The following UTRN variants were observed in gnomAD, a reference collection of about 807,000 sequenced individuals.
UTRN encodes dystrophin-related protein 1.
In UTRN, 283 loss-of-function variants were observed where a neutral mutation model predicts 463.9. The observed-to-expected ratio is 0.61, with a 90% confidence interval of 0.55 to 0.67. The LOEUF (loss-of-function observed/expected upper bound fraction) is 0.67, where lower values mean the gene tolerates loss of function less well. Ranked by LOEUF, UTRN falls within the 30% of genes least tolerant of loss-of-function variation. UTRN has a pLI of 0.00. For missense variants in UTRN, 3,922 were observed against 4,084.3 expected (o/e 0.96, Z 1.08); for synonymous variants, 1,442 against 1,431.5 (o/e 1.01, Z -0.17).
chr6:144,586,274 A>G (rs1275597097), intron 51 of UTRN, among the ~76,000 whole-genome samples: 2 of 152,032 alleles, frequency 1.3e-5, no homozygotes, highest in East Asian at 1.9e-4. Flanking sequence ...CCCACAATCT[A>G]TTTACACATT....
chr6:144,732,716 ATGTT>A (rs1562834154), intron 54 of UTRN, among the ~76,000 whole-genome samples: 12 of 149,704 alleles, frequency 8.0e-5, no homozygotes, highest in Non-Finnish European at 1.8e-4. Context: ...ATGTTATGTT[ATGTT>A]ATGTTATTTT....
intron 58 of UTRN, among the ~76,000 whole-genome samples, chr6:144,768,693 A>G (rs74516178): frequency 1.3e-5 from 2 of 152,168 alleles, no homozygotes; most frequent in Non-Finnish European, 2.9e-5. Context: ...ACTGGGCACA[A>G]TTTGCATTTA....
At chr6:144,481,775 G>T (rs1178987746) in intron 26 of UTRN, among the ~76,000 whole-genome samples, 1 of 152,228 alleles carries the variant, frequency 6.6e-6, no homozygotes, top group Non-Finnish European at 1.5e-5. Flanking sequence ...ACGCTCAACT[G>T]GGCTGGGTGC....
chr6:144,475,292 G>T (rs917539103), intron 25 of UTRN, among the ~76,000 whole-genome samples: 1 of 152,204 alleles, frequency 6.6e-6, no homozygotes, highest in African/African-American at 2.4e-5. Context: ...ACTGAGTAAA[G>T]TAAGAGATGA....
At chr6:144,681,503 A>C (rs576360711) in intron 52 of UTRN, among the ~76,000 whole-genome samples, 22 of 152,246 alleles carry the variant, frequency 1.4e-4, no homozygotes, top group African/African-American at 5.3e-4. Context: ...AAGTGGAGTA[A>C]GATCAGGCCT....
At position 144,348,251 on chromosome 6, in the gene UTRN, C is replaced by G. The variant is rs138723838; in HGVS notation, c.80-54872C>G. On this transcript the variant is annotated intron_variant, in intron 2 of 74. Coordinates refer to ENST00000367545, the MANE Select transcript of UTRN (RefSeq NM_007124.3). ...CATTTGCTAGGTACCTAGCACACGC[C>G]CAGCTCTGGGGAGGTATGGGGATAT... Among the ~76,000 whole-genome samples the G allele has an allele frequency of 2.7e-3, 416 of 152,222 alleles. 1 individual carries two copies. The highest frequency in any genetic ancestry group is 9.2e-3 in the African/African-American group (383 of 41,508).
At chr6:144,477,869 C>CTTTA (rs150288402) in intron 25 of UTRN, among the ~76,000 whole-genome samples, 40,339 of 148,400 alleles carry the variant, frequency 0.27, 6,514 homozygotes, top group African/African-American at 0.46. Flanking sequence ...AAGTTTGTAT[C>CTTTA]TCTATCTATC....
chr6:144,466,529 G>A (rs115349369), intron 23 of UTRN, among the ~76,000 whole-genome samples: 201 of 152,156 alleles, frequency 1.3e-3, no homozygotes, highest in African/African-American at 4.6e-3. Flanking sequence ...CTGTACTTAC[G>A]AGGTAAAATA....
At position 144,828,244 on chromosome 6, in the gene UTRN, A is replaced by G. The variant is rs541646474; in HGVS notation, c.9600-546A>G. Among the ~76,000 whole-genome samples the G allele has an allele frequency of 3.3e-5, 5 of 152,302 alleles. No individual in the cohort carries two copies. In the South Asian group the frequency reaches 8.3e-4, roughly 25 times the overall value. Reference sequence around the variant, plus strand: ...CTAGGCCAACTAGAATTTCTAGGGGAAAGTCTTGGACTAATGGAATAATAT... The same window carrying G: ...CTAGGCCAACTAGAATTTCTAGGGGGAAGTCTTGGACTAATGGAATAATAT... On this transcript the variant is annotated intron_variant, in intron 68 of 74. Coordinates refer to ENST00000367545, the MANE Select transcript of UTRN (RefSeq NM_007124.3).
In UTRN at chr6:144,531,036, G is replaced by C; in HGVS notation, c.5907-16G>C. On this transcript the variant is annotated splice_polypyrimidine_tract_variant and intron_variant, in intron 41 of 74. Coordinates refer to ENST00000367545, the MANE Select transcript of UTRN (RefSeq NM_007124.3). Reference sequence around the variant, plus strand: ...AAAATTTGGAAACCTATTTTATTTTGTGTATTGTCCTCTAGTTGTTTTGAC... The same window carrying C: ...AAAATTTGGAAACCTATTTTATTTTCTGTATTGTCCTCTAGTTGTTTTGAC... 1 of 1,605,726 alleles carries C rather than the reference G, an allele frequency of 6.2e-7. No homozygotes were observed. The highest frequency in any genetic ancestry group is 8.5e-7 in the Non-Finnish European group (1 of 1,175,902).
At chr6:144,754,493 C>T (rs1007358310) in intron 56 of UTRN, among the ~76,000 whole-genome samples, 1 of 149,004 alleles carries the variant, frequency 6.7e-6, no homozygotes, top group Admixed American at 6.7e-5. Flanking sequence ...TAGAAGAGTA[C>T]CTGGCACTGT....
At chr6:144,364,519 G>A (rs191660309) in intron 2 of UTRN, among the ~76,000 whole-genome samples, 23 of 152,228 alleles carry the variant, frequency 1.5e-4, no homozygotes, top group Admixed American at 1.1e-3. Context: ...TCCCCACTTC[G>A]CGTTTTTACT....
At chr6:144,337,194 C>CACA (rs1309149044) in intron 2 of UTRN, among the ~76,000 whole-genome samples, 33 of 126,704 alleles carry the variant, frequency 2.6e-4, no homozygotes, top group African/African-American at 8.6e-4. Context: ...CACACACACA[C>CACA]CACACACACA....
At chr6:144,596,385 T>C (rs190025303) in intron 51 of UTRN, among the ~76,000 whole-genome samples, 74 of 152,280 alleles carry the variant, frequency 4.9e-4, no homozygotes, top group African/African-American at 1.7e-3. Flanking sequence ...TAACATTTAA[T>C]AACCTATGGT....
At chr6:144,289,377 T>C (rs542372200) in intron 1 of UTRN, among the ~76,000 whole-genome samples, 2 of 152,370 alleles carry the variant, frequency 1.3e-5, no homozygotes, top group East Asian at 3.9e-4. Flanking sequence ...TCTTTCTATC[T>C]ACTCTTGTTT....
chr6:144,666,986 G>T (rs1004794117), intron 51 of UTRN, among the ~76,000 whole-genome samples: 8 of 151,982 alleles, frequency 5.3e-5, no homozygotes, highest in African/African-American at 1.9e-4. Flanking sequence ...AGAAAACTAT[G>T]CATCTTAATG....
Position 144,678,570 on chromosome 6 carries a change from T to TAGCATC in UTRN, c.7647_7652dup (p.Ser2549_Ile2550dup). ...GGAATGACTTAAAAGCAAAATCTGC[T>TAGCATC]AGCATCAGGTCAGAATAGTCAATAT... is the stretch of plus-strand genomic sequence containing the variant. On this transcript the variant is annotated inframe_insertion, in exon 52 of 75. Transcript: ENST00000367545. The TAGCATC allele has an allele frequency of 6.2e-7, 1 of 1,609,658 alleles. No individual in the cohort carries two copies. The highest frequency in any genetic ancestry group is 8.5e-7 in the Non-Finnish European group (1 of 1,177,446).
intron 2 of UTRN, among the ~76,000 whole-genome samples, chr6:144,315,858 A>G (rs1562241320): frequency 6.6e-6 from 1 of 152,208 alleles, no homozygotes; most frequent in Non-Finnish European, 1.5e-5. Flanking sequence ...ATCTGGCAGA[A>G]TAGGTATTAC....
chr6:144,322,656 C>T (rs976580779), intron 2 of UTRN, among the ~76,000 whole-genome samples: 2 of 152,036 alleles, frequency 1.3e-5, no homozygotes, highest in African/African-American at 4.8e-5. Flanking sequence ...AAGTGGATTT[C>T]GGCCGGGCGC....
Sources: gnomAD v4.1 joint callset for allele counts (sites outside exome capture counted in the v4.1 genomes callset) on GRCh38, gnomAD v4.1.1 for gene constraint, MANE v1.5 for transcripts, NCBI Gene and HGNC (gene_info 2026-07-23, HGNC 2026-07-21) for gene names.